The following GABBR2 variants were observed in gnomAD, a reference collection of about 807,000 sequenced individuals.
GABBR2 encodes G-protein coupled receptor 51.
In GABBR2, 23 loss-of-function variants were observed where a neutral mutation model predicts 105.6. The observed-to-expected ratio is 0.22, with a 90% CI of 0.16 to 0.31. GABBR2 has a LOEUF of 0.31. GABBR2 is among the 10% of genes least tolerant of loss of function. The pLI, the probability that GABBR2 is intolerant of heterozygous loss-of-function variation, is 1.00. For synonymous variants in GABBR2, 478 were observed against 499.7 expected (o/e 0.96, Z 0.58); for missense variants, 734 against 1,245.5 (o/e 0.59, Z 6.18).
chr9:98,532,956 G>A (rs180687697), intron 3 of GABBR2, among the ~76,000 whole-genome samples: 1 of 152,164 alleles, frequency 6.6e-6, no homozygotes, highest in African/African-American at 2.4e-5. Context: ...CACGTGGCAG[G>A]TTCCTGGGGA....
chr9:98,668,883 T>TTGTGTGTGTGTGTGTG (rs35341252), intron 1 of GABBR2, among the ~76,000 whole-genome samples: 1 of 147,612 alleles, frequency 6.8e-6, no homozygotes, highest in African/African-American at 2.5e-5. Context: ...ATATTCCATT[T>TTGTGTGTGTGTGTGTG]TGTGTGTGTG....
At chr9:98,618,856 T>A (rs1266053830) in intron 1 of GABBR2, among the ~76,000 whole-genome samples, 1 of 152,204 alleles carries the variant, frequency 6.6e-6, no homozygotes, top group Non-Finnish European at 1.5e-5. Flanking sequence ...GTCTGGGGCT[T>A]CTGGTCCCAA....
intron 8 of GABBR2, among the ~76,000 whole-genome samples, chr9:98,404,857 G>T (rs924960574): frequency 3.9e-5 from 6 of 152,076 alleles, no homozygotes; most frequent in African/African-American, 1.4e-4. Flanking sequence ...GATGAAAAGA[G>T]ACTAAAGAGA....
chr9:98,531,312 T>C (rs1251131985), intron 3 of GABBR2, among the ~76,000 whole-genome samples: 4 of 152,114 alleles, frequency 2.6e-5, no homozygotes, highest in Non-Finnish European at 5.9e-5. Context: ...TGGAGTGTTA[T>C]GGGGGACCAT....
chr9:98,423,667 T>C (rs1420698776), intron 7 of GABBR2, among the ~76,000 whole-genome samples: 5 of 152,368 alleles, frequency 3.3e-5, no homozygotes. Flanking sequence ...GTTTTAGACA[T>C]GAAGTCCTTG....
chr9:98,693,988 C>T (rs1236105419), intron 1 of GABBR2, among the ~76,000 whole-genome samples: 6 of 152,210 alleles, frequency 3.9e-5, no homozygotes, highest in Non-Finnish European at 8.8e-5. Context: ...ACTGTTGCCC[C>T]CAAACTCTCA....
In GABBR2 at chr9:98,486,160, G is replaced by A. The variant is rs1225264947; in HGVS notation, c.733-5163C>T. Among the ~76,000 whole-genome samples the A allele has an allele frequency of 5.3e-5, 8 of 152,284 alleles. No homozygotes were observed. The South Asian group carries it at 1.7e-3, about 32-fold the overall frequency. ...GTAGGGACTTCAACCTAAGATGCCA[G>A]GTCACACAAATAGGAGGTGGTGGCA... On this transcript the variant is annotated intron_variant, in intron 4 of 18. Transcript: ENST00000259455.
At chr9:98,469,720 C>A (rs1036113367) in intron 6 of GABBR2, among the ~76,000 whole-genome samples, 6 of 152,244 alleles carry the variant, frequency 3.9e-5, no homozygotes, top group Middle Eastern at 3.2e-3. Flanking sequence ...TTTTTAGGGG[C>A]CACTATTCAA....
intron 13 of GABBR2, among the ~76,000 whole-genome samples, chr9:98,317,438 C>G (rs912930269): frequency 6.6e-6 from 1 of 152,228 alleles, no homozygotes; most frequent in African/African-American, 2.4e-5. Context: ...AACTGACAGG[C>G]AGGGAGTTGG....
chr9:98,416,362 A>G (rs1832689662), intron 7 of GABBR2, among the ~76,000 whole-genome samples: 1 of 152,230 alleles, frequency 6.6e-6, no homozygotes, highest in South Asian at 2.1e-4. Flanking sequence ...GACTAGCTGG[A>G]GAGAAGGGGC....
chr9:98,639,467 C>G (rs576831036), intron 1 of GABBR2, among the ~76,000 whole-genome samples: 2 of 152,278 alleles, frequency 1.3e-5, no homozygotes, highest in East Asian at 1.9e-4. Flanking sequence ...GGGCCTCCCC[C>G]ACCACCCCTG....
intron 5 of GABBR2, among the ~76,000 whole-genome samples, chr9:98,479,631 C>T (rs923574661): frequency 3.3e-5 from 5 of 152,240 alleles, no homozygotes; most frequent in Non-Finnish European, 7.3e-5. Flanking sequence ...ACCCTATCCT[C>T]GCTGCTTGTC....
chr9:98,339,795 C>A (rs373580592), intron 13 of GABBR2, among the ~76,000 whole-genome samples: 1 of 152,160 alleles, frequency 6.6e-6, no homozygotes, highest in African/African-American at 2.4e-5. Context: ...CCCCTGTATT[C>A]TCATGGAGCT....
At chr9:98,658,434 G>C (rs969761886) in intron 1 of GABBR2, among the ~76,000 whole-genome samples, 1 of 151,742 alleles carries the variant, frequency 6.6e-6, no homozygotes, top group Non-Finnish European at 1.5e-5. Flanking sequence ...AATGTATGCT[G>C]GTGTGACCTG....
intron 1 of GABBR2, among the ~76,000 whole-genome samples, chr9:98,697,961 G>A (rs1830778068): frequency 6.6e-6 from 1 of 152,260 alleles, no homozygotes; most frequent in Non-Finnish European, 1.5e-5. Context: ...AGGCTTCAGT[G>A]AATGGTAGTT....
At chr9:98,637,418 G>GC (rs1829895183) in intron 1 of GABBR2, among the ~76,000 whole-genome samples, 1 of 152,050 alleles carries the variant, frequency 6.6e-6, no homozygotes, top group Admixed American at 6.6e-5. Context: ...CAGAATAATG[G>GC]CCCCCCAAGA....
chr9:98,306,225 C>T lies in GABBR2; in HGVS notation c.2125G>A (p.Val709Ile). The T allele has an allele frequency of 6.2e-7, 1 of 1,614,180 alleles. No homozygotes were observed. Among genetic ancestry groups the T allele is most frequent in the Non-Finnish European group, 8.5e-7 (1 of 1,180,016 alleles). Residue 709 changes from valine (V) to isoleucine (I), a missense_variant, in exon 15 of 19, where the codon GTC becomes ATC. Val to Ile is a conservative substitution (Grantham distance 29). Coordinates refer to ENST00000259455, the MANE Select transcript of GABBR2 (RefSeq NM_005458.8). This position sits in a 1 kb window ranked among gnomAD's most constrained non-coding sequence, Gnocchi z 5.4. ...VGIMCIIGAA[V>I]SFLTRDQPNV... ...GGCTGGTCCCGGGTCAGGAAGGAGA[C>T]AGCGGCCCCGATGATGCACATGATC...
chr9:98,531,229 G>A (rs1828061502), intron 3 of GABBR2, among the ~76,000 whole-genome samples: 1 of 152,184 alleles, frequency 6.6e-6, no homozygotes. Flanking sequence ...CAGACCCACG[G>A]CCAGTCACCC....
At chr9:98,580,815 C>G (rs1170600753) in intron 1 of GABBR2, among the ~76,000 whole-genome samples, 1 of 151,170 alleles carries the variant, frequency 6.6e-6, no homozygotes, top group African/African-American at 2.4e-5. Flanking sequence ...TGGACACTCT[C>G]CCTTCATCTG....
Sources: allele counts gnomAD v4.1 joint callset (sites outside exome capture counted in the v4.1 genomes callset), GRCh38; gene constraint gnomAD v4.1.1; non-coding constraint Gnocchi (gnomAD v3.1); transcripts MANE v1.5; gene names NCBI Gene and HGNC (gene_info 2026-07-23, HGNC 2026-07-21).